The following ZAP70 variants were observed in gnomAD, a reference collection of about 807,000 sequenced individuals.
ZAP70 encodes the protein tyrosine-protein kinase ZAP-70.
In ZAP70, 27 loss-of-function variants were observed where a neutral mutation model predicts 65.8. The observed-to-expected ratio is 0.41, with a 90% CI of 0.30 to 0.57. ZAP70 has a LOEUF of 0.57. ZAP70 is among the 20% of genes least tolerant of loss of function. The probability of loss-of-function intolerance (pLI) is 0.28; values close to 1 mark genes in which losing one functional copy is unlikely to be tolerated. For missense variants in ZAP70, 696 were observed against 870.5 expected (o/e 0.80, Z 2.52); for synonymous variants, 363 against 360.8 (o/e 1.01, Z -0.07).
At chr2:97,750,235 C>T in the ZAP70 span, among the ~76,000 whole-genome samples, 4 of 152,322 alleles carry the variant, frequency 2.6e-5, no homozygotes, top group South Asian at 4.1e-4. Flanking sequence ...GCAGCAGCAA[C>T]GCACCGCAGT....
intron 9 of ZAP70, chr2:97,735,027 C>A: frequency 1.5e-6 from 1 of 664,154 alleles, no homozygotes; most frequent in Non-Finnish European, 2.5e-6. Context: ...ACTTTGGATT[C>A]TTTTTGGCGA....
At chr2:97,720,322 G>T (rs2104650015) in intron 2 of ZAP70, among the ~76,000 whole-genome samples, 1 of 152,228 alleles carries the variant, frequency 6.6e-6, no homozygotes, top group Non-Finnish European at 1.5e-5. Context: ...CCACCTCCTG[G>T]GTTCAAGCGA....
Position 97,724,675 on chromosome 2 carries a change from A to C in ZAP70, c.402+237A>C, listed in dbSNP as rs552541836. On this transcript the variant is annotated intron_variant, in intron 3 of 13. Transcript: ENST00000264972. ...CGATGCTATGGTGCTCTACTATGCCAGATGGGAAGGTAGAGGGACGCACTG... is the reference window on the plus strand; with the variant it reads ...CGATGCTATGGTGCTCTACTATGCCCGATGGGAAGGTAGAGGGACGCACTG... 25 of 1,525,390 alleles carry C rather than the reference A, an allele frequency of 1.6e-5. No homozygotes were observed. In the South Asian group the frequency reaches 2.9e-4, roughly 18 times the overall value. 94.5% of individuals were successfully genotyped at this position (1,525,390 alleles called of 1,614,324 possible).
chr2:97,754,279 A>C, the ZAP70 span, among the ~76,000 whole-genome samples: 1 of 152,296 alleles, frequency 6.6e-6, no homozygotes, highest in South Asian at 2.1e-4. Context: ...TCATGGGGTG[A>C]AATTAGAACT....
At position 97,731,272 on chromosome 2, in the gene ZAP70, A is replaced by G. The variant is rs371761279; in HGVS notation, c.564-1611A>G. On this transcript the variant is annotated intron_variant, in intron 4 of 13. Coordinates refer to ENST00000264972, the MANE Select transcript of ZAP70 (RefSeq NM_001079.4). The surrounding 1 kb of genome is among the most constrained non-coding windows in gnomAD (Gnocchi z 4.0). ...CACAGCTCTGAGACCCCCAGGGCCA[A>G]TAGCCCTCCCTCCTCACTGGAAAGC... Among the ~76,000 whole-genome samples the G allele has an allele frequency of 1.5e-3, 226 of 152,240 alleles. No homozygotes were observed. The highest frequency in any genetic ancestry group is 8.9e-3 in the South Asian group (43 of 4,822).
In ZAP70 at chr2:97,724,001, T is replaced by A; in HGVS notation, c.-21-15T>A. ...GAAGGCCCTGACGTGCCTCCGACCC[T>A]CTGTGAACCCGCAGGTTTCGGGAGG... On this transcript the variant is annotated splice_polypyrimidine_tract_variant and intron_variant, in intron 2 of 13. Transcript: ENST00000264972. 6.5e-7 allele frequency: 1 copy of A among 1,538,862 alleles called. No homozygotes were observed. Among genetic ancestry groups the A allele is most frequent in the Non-Finnish European group, 8.7e-7 (1 of 1,148,834 alleles).
At chr2:97,747,022 A>G in the ZAP70 span, among the ~76,000 whole-genome samples, 1 of 152,214 alleles carries the variant, frequency 6.6e-6, no homozygotes, top group Non-Finnish European at 1.5e-5. Context: ...TAGCACTTCC[A>G]AAAGAAAAAA....
rs2289919 is a variant in ZAP70, at chr2:97,724,732, C to T, written c.402+294C>T. The T allele has an allele frequency of 0.11, 165,383 of 1,504,740 alleles. 10,663 individuals are homozygous for T. Among genetic ancestry groups the T allele is most frequent in the African/African-American group, 0.29 (20,614 of 72,140 alleles). 93.2% of individuals were successfully genotyped at this position (1,504,740 alleles called of 1,614,324 possible). ...GCGAAGGCGAGGCTTGGAATGGGGG[C>T]GGGGCTGAGAGGAGGGTGCGCGGGG... On this transcript the variant is annotated intron_variant, in intron 3 of 13. Transcript: ENST00000264972.
At chr2:97,746,773 A>C in the ZAP70 span, among the ~76,000 whole-genome samples, 1 of 152,254 alleles carries the variant, frequency 6.6e-6, no homozygotes, top group Non-Finnish European at 1.5e-5. Context: ...AAAGTGTATC[A>C]AGAAATTGAA....
Position 97,731,129 on chromosome 2 carries a change from A to G in ZAP70, c.564-1754A>G, listed in dbSNP as rs1021063653. 2.0e-5 allele frequency among the ~76,000 whole-genome samples: 3 copies of G among 151,348 alleles called. No homozygotes were observed. Among genetic ancestry groups the G allele is most frequent in the African/African-American group, 7.3e-5 (3 of 41,130 alleles). ...GCTGTTTGCTGGTGAGTGGCTTGGC[A>G]TGGAGTCTCTGTTGTCAGTTTAAAA... is the stretch of plus-strand genomic sequence containing the variant. On this transcript the variant is annotated intron_variant, in intron 4 of 13. Transcript: ENST00000264972. The surrounding 1 kb of genome is among the most constrained non-coding windows in gnomAD (Gnocchi z 4.0).
Position 97,733,227 on chromosome 2 carries a change from C to CG in ZAP70, c.790+18dup. The stretch of plus-strand genomic sequence containing the variant: ...CAACGCCTCAGGTGACGGCAGCAGG[C>CG]GGGCGGGCGGTGGGCGGGGGCGGCA... On this transcript the variant is annotated intron_variant, in intron 6 of 13. Coordinates refer to ENST00000264972, the MANE Select transcript of ZAP70 (RefSeq NM_001079.4). 6.2e-7 allele frequency: 1 copy of CG among 1,611,306 alleles called. No individual in the cohort carries two copies. The highest frequency in any genetic ancestry group is 8.5e-7 in the Non-Finnish European group (1 of 1,178,780).
At chr2:97,742,779 G>A (rs1312112349), downstream of ZAP70, among the ~76,000 whole-genome samples, 3 of 152,190 alleles carry the variant, frequency 2.0e-5, no homozygotes, top group African/African-American at 7.2e-5. Context: ...GGGGACTCTT[G>A]AACCCATTTT....
chr2:97,739,265 T>C (rs1303337871), intron 13 of ZAP70, 110 bp from the exon 14 acceptor site: 39 of 1,533,544 alleles, frequency 2.5e-5, no homozygotes, highest in Non-Finnish European at 3.0e-5. Flanking sequence ...CCTGCTGACT[T>C]TCTGAGCCCC....
chr2:97,741,448 C>A (rs1678127413), downstream of ZAP70, among the ~76,000 whole-genome samples: 1 of 151,716 alleles, frequency 6.6e-6, no homozygotes, highest in Non-Finnish European at 1.5e-5. Flanking sequence ...GGGGTGATGT[C>A]CCCTAGGAAA....
At chr2:97,748,907 G>A in the ZAP70 span, among the ~76,000 whole-genome samples, 1 of 152,072 alleles carries the variant, frequency 6.6e-6, no homozygotes, top group African/African-American at 2.4e-5. Flanking sequence ...GCCCGGGGCT[G>A]ATTGCGGATC....
chr2:97,734,683 A>G lies in ZAP70; in HGVS notation c.1053A>G (p.Ser351=). The change falls in exon 9 of 14, where the codon TCA becomes TCG. Residue 351 remains serine (S), a synonymous_variant. Coordinates refer to ENST00000264972, the MANE Select transcript of ZAP70 (RefSeq NM_001079.4). ...DIELGCGNFG[S]VRQGVYRMRK... ...AACTTGGCTGCGGCAACTTTGGCTC[A>G]GTGCGCCAGGGCGTGTACCGCATGC... 1 of 1,614,120 alleles carries G rather than the reference A, an allele frequency of 6.2e-7. No homozygotes were observed. Among genetic ancestry groups the G allele is most frequent in the East Asian group, 2.2e-5 (1 of 44,890 alleles).
intron 4 of ZAP70, among the ~76,000 whole-genome samples, chr2:97,727,913 A>C (rs1677455582): frequency 6.6e-6 from 1 of 152,122 alleles, no homozygotes; most frequent in African/African-American, 2.4e-5. Context: ...AATTTCCCCC[A>C]GATTCCCTAA....
the ZAP70 span, among the ~76,000 whole-genome samples, chr2:97,753,210 T>TA: frequency 6.6e-6 from 1 of 152,196 alleles, no homozygotes; most frequent in African/African-American, 2.4e-5. Context: ...TAAAATGTTA[T>TA]AAAAAACTCA....
chr2:97,717,073 C>A (rs1347116317), intron 2 of ZAP70, among the ~76,000 whole-genome samples: 9 of 152,240 alleles, frequency 5.9e-5, no homozygotes, highest in African/African-American at 2.2e-4. Context: ...CATGGCGTCA[C>A]CAAGCTGGCG....
Sources: allele counts gnomAD v4.1 joint callset (sites outside exome capture counted in the v4.1 genomes callset), GRCh38; gene constraint gnomAD v4.1.1; non-coding constraint Gnocchi (gnomAD v3.1); transcripts MANE v1.5; gene names NCBI Gene and HGNC (gene_info 2026-07-23, HGNC 2026-07-21).